The following VRK1 variants were observed in gnomAD, a reference collection of about 807,000 sequenced individuals.
VRK1 encodes serine/threonine-protein kinase VRK1.
Under a neutral mutation model 57.1 loss-of-function variants are expected in VRK1, and 33 were observed. The observed-to-expected ratio is 0.58, with a 90% CI of 0.44 to 0.77. VRK1 has a LOEUF of 0.77. Ranked by LOEUF, VRK1 falls within the 30% of genes least tolerant of loss-of-function variation. VRK1 has a pLI of 0.00. For synonymous variants in VRK1, 137 were observed against 147.8 expected (o/e 0.93, Z 0.53); for missense variants, 413 against 477.3 (o/e 0.87, Z 1.25).
intron 2 of VRK1, among the ~76,000 whole-genome samples, chr14:96,837,019 A>G (rs557829616): frequency 6.6e-6 from 1 of 152,110 alleles, no homozygotes; most frequent in Admixed American, 6.6e-5. Flanking sequence ...CACACTGTCA[A>G]ATGTACTTCA....
intron 1 of VRK1, among the ~76,000 whole-genome samples, chr14:96,801,992 T>C (rs1713519213): frequency 6.6e-6 from 1 of 152,212 alleles, no homozygotes; most frequent in African/African-American, 2.4e-5. Flanking sequence ...TGCATTTTTT[T>C]CTTAGAGGTA....
intron 11 of VRK1, among the ~76,000 whole-genome samples, chr14:96,870,436 G>A (rs1323741647): frequency 6.6e-6 from 1 of 152,158 alleles, no homozygotes. Flanking sequence ...TGCATGTCAT[G>A]GAACCCTCAG....
intron 1 of VRK1, among the ~76,000 whole-genome samples, chr14:96,800,044 A>G (rs1008723273): frequency 1.3e-5 from 2 of 151,966 alleles, no homozygotes; most frequent in African/African-American, 4.8e-5. Flanking sequence ...TAATGTTAAA[A>G]TGTAGAAAAT....
At chr14:96,839,122 C>G (rs1329675617) in intron 3 of VRK1, among the ~76,000 whole-genome samples, 1 of 144,382 alleles carries the variant, frequency 6.9e-6, no homozygotes, top group Non-Finnish European at 1.5e-5. Flanking sequence ...TGAGTTATTC[C>G]TGTTCCAGAA....
chr14:96,811,959 C>T (rs550991846), intron 1 of VRK1, among the ~76,000 whole-genome samples: 1 of 152,238 alleles, frequency 6.6e-6, no homozygotes, highest in South Asian at 2.1e-4. Flanking sequence ...TTCTCCATTC[C>T]CTACTTGATC....
intron 12 of VRK1, among the ~76,000 whole-genome samples, chr14:96,879,976 T>G (rs573029759): frequency 8.6e-5 from 13 of 151,860 alleles, no homozygotes; most frequent in African/African-American, 3.1e-4. Flanking sequence ...AATAAAAACC[T>G]AAAAATCTAC....
chr14:96,825,403 G>A (rs1349758706), intron 1 of VRK1, among the ~76,000 whole-genome samples: 2 of 152,156 alleles, frequency 1.3e-5, no homozygotes, highest in Non-Finnish European at 2.9e-5. Flanking sequence ...TTGCAGTTGG[G>A]TGATGTATAT....
At chr14:96,819,021 G>A (rs1886496475) in intron 1 of VRK1, among the ~76,000 whole-genome samples, 1 of 152,204 alleles carries the variant, frequency 6.6e-6, no homozygotes, top group African/African-American at 2.4e-5. Flanking sequence ...GTCTTTAGAT[G>A]TATTGCTTTC....
intron 1 of VRK1, among the ~76,000 whole-genome samples, chr14:96,807,435 C>T (rs977316278): frequency 6.6e-6 from 1 of 152,178 alleles, no homozygotes; most frequent in African/African-American, 2.4e-5. Flanking sequence ...TGTCAGTTTA[C>T]CACATTGGTG....
At chr14:96,801,336 A>G (rs1375136300) in intron 1 of VRK1, among the ~76,000 whole-genome samples, 1 of 152,228 alleles carries the variant, frequency 6.6e-6, no homozygotes, top group African/African-American at 2.4e-5. Context: ...TCATTTGATG[A>G]CACTAAGTAT....
At chr14:96,856,441 A>G in intron 9 of VRK1, 87 bp from the exon 10 acceptor site, 2 of 1,385,536 alleles carry the variant, frequency 1.4e-6, no homozygotes, top group African/African-American at 1.4e-5. Flanking sequence ...AGGATGTAGC[A>G]CAATATAGCT....
In VRK1 at chr14:96,837,789, G is replaced by T. The variant is rs1418822826; in HGVS notation, c.188G>T (p.Gly63Val). The part of the protein sequence containing the change: ...LADMNSSESV[G>V]SDAPCVVKVE... Reference sequence around the variant, plus strand: ...GATATGAATTCTTCAGAGTCAGTTGGCAGTGATGCACCTTGTGTTGTAAAA... The same window carrying T: ...GATATGAATTCTTCAGAGTCAGTTGTCAGTGATGCACCTTGTGTTGTAAAA... Residue 63 changes from glycine (G) to valine (V), a missense_variant, in exon 3 of 13, where the codon GGC becomes GTC. By Grantham distance (109) the Gly-to-Val change is moderately radical (BLOSUM62 -3). Around this residue, in one of 3 missense-constraint regions of VRK1, gnomAD observed 116 missense variants for 113.6 expected, o/e 1.02. Coordinates refer to ENST00000216639, the MANE Select transcript of VRK1 (RefSeq NM_003384.3). 1.3e-6 allele frequency: 2 copies of T among 1,563,160 alleles called. No homozygotes were observed. The highest frequency in any genetic ancestry group is 1.3e-5 in the South Asian group (1 of 79,856).
intron 11 of VRK1, among the ~76,000 whole-genome samples, chr14:96,871,810 A>AATTTTT (rs893333439): frequency 2.0e-5 from 3 of 152,020 alleles, no homozygotes; most frequent in Admixed American, 6.6e-5. Flanking sequence ...AATTCTAGCA[A>AATTTTT]ATTTTTATTT....
intron 3 of VRK1, among the ~76,000 whole-genome samples, chr14:96,844,045 C>T (rs1044651305): frequency 6.6e-6 from 1 of 152,098 alleles, no homozygotes; most frequent in African/African-American, 2.4e-5. Flanking sequence ...TTAGGAAAAC[C>T]TCTTTCAAAC....
At chr14:96,814,915 A>G (rs1168201791) in intron 1 of VRK1, among the ~76,000 whole-genome samples, 1 of 152,162 alleles carries the variant, frequency 6.6e-6, no homozygotes, top group African/African-American at 2.4e-5. Context: ...TTGCGGTCCA[A>G]CCTAAAAGTC....
chr14:96,875,971 G>T (rs1889012437), intron 11 of VRK1, 59 bp from the exon 12 acceptor site: 1 of 1,551,202 alleles, frequency 6.4e-7, no homozygotes, highest in Admixed American at 1.7e-5. Context: ...TATGTGATGA[G>T]TTTGTAGTTT....
chr14:96,855,335 A>G lies in VRK1; in HGVS notation c.688A>G (p.Ile230Val). 1 of 1,614,124 alleles carries G rather than the reference A, an allele frequency of 6.2e-7. No homozygotes were observed. The highest frequency in any genetic ancestry group is 8.5e-7 in the Non-Finnish European group (1 of 1,179,952). ...CGATGGCACTATTGAATTCACGAGCATCGATGCACACAATGGCGTGGGTAT... is the reference window on the plus strand; with the variant it reads ...CGATGGCACTATTGAATTCACGAGCGTCGATGCACACAATGGCGTGGGTAT... ...CHDGTIEFTS[I>V]DAHNGVAPSR... The change falls in exon 8 of 13, where the codon ATC (isoleucine) becomes GTC (valine). Residue 230 changes from isoleucine to valine, a missense_variant. This residue lies in a region of VRK1 where 151 missense variants were observed against 225.5 expected (regional missense o/e 0.67). Transcript: ENST00000216639.
At chr14:96,868,663 G>C (rs944721270) in intron 11 of VRK1, among the ~76,000 whole-genome samples, 1 of 152,078 alleles carries the variant, frequency 6.6e-6, no homozygotes, top group African/African-American at 2.4e-5. Flanking sequence ...TGTCTTGAAT[G>C]GTGCCCAGCA....
chr14:96,830,725 G>C (rs1429594764), intron 1 of VRK1, among the ~76,000 whole-genome samples: 1 of 152,096 alleles, frequency 6.6e-6, no homozygotes, highest in Non-Finnish European at 1.5e-5. Context: ...TATGCAGCCA[G>C]TTTTCCCTTA....
Sources: allele counts gnomAD v4.1 joint callset (sites outside exome capture counted in the v4.1 genomes callset), GRCh38; gene constraint gnomAD v4.1.1; regional missense constraint gnomAD v4.1.1; transcripts MANE v1.5; gene names NCBI Gene and HGNC (gene_info 2026-07-23, HGNC 2026-07-21).